MED28: variants seen among roughly 807,000 people sequenced by gnomAD.
The protein encoded by MED28 is mediator of RNA polymerase II transcription subunit 28.
A neutral mutation model predicts 21.3 loss-of-function variants in MED28; 26 were observed. The ratio of observed to expected loss-of-function variants is 1.22; its 90% CI spans 0.89 to 1.69. The LOEUF is 1.69. MED28 is among the 40% of genes most tolerant of loss of function. The pLI is 0.00. For missense variants in MED28, 257 were observed against 215.4 expected (o/e 1.19, Z -1.21); for synonymous variants, 110 against 87.6 (o/e 1.26, Z -1.43).
Position 17,633,627 on chromosome 4 carries a change from T to C in MED28, c.*9829T>C, listed in dbSNP as rs1715031771. The C allele has an allele frequency of 7.4e-7, 1 of 1,356,352 alleles. No homozygotes were observed. Among genetic ancestry groups the C allele is most frequent in the Admixed American group, 3.4e-5 (1 of 29,192 alleles). 84.0% of individuals were successfully genotyped at this position (1,356,352 alleles called of 1,614,324 possible). ...TGGTACCAGGTGCTAGAAAGAATCC[T>C]ACTTCCCCTCTTATCTACAGGGAAA... On this transcript the variant is annotated 3_prime_UTR_variant, in exon 4 of 4. Transcript: ENST00000237380.
Position 17,628,026 on chromosome 4 carries a change from A to AG in MED28, c.*4228_*4229insG, listed in dbSNP as rs1405835984. On this transcript the variant is annotated 3_prime_UTR_variant, in exon 4 of 4. Transcript: ENST00000237380. ...CATAGGTGTTTCTCCTGAGAAAGAA[A>AG]AAAACCACCTGTCCCTGACATTCAG... 3 of 152,232 alleles carry AG rather than the reference A, an allele frequency of 2.0e-5. No individual in the cohort carries two copies. Among genetic ancestry groups the AG allele is most frequent in the Admixed American group, 2.0e-4 (3 of 15,282 alleles). The allele number at this position is 152,232 out of a possible 1,614,324, so 9.4% of individuals were successfully genotyped here.
intron 1 of MED28, among the ~76,000 whole-genome samples, chr4:17,615,063 C>G (rs1367674795): frequency 6.6e-6 from 1 of 152,210 alleles, no homozygotes; most frequent in Non-Finnish European, 1.5e-5. Context: ...AAACTTGGAA[C>G]CCTTCCAGAT....
At position 17,634,022 on chromosome 4, in the gene MED28, A is replaced by G. The variant is rs1052436372; in HGVS notation, c.*10224A>G. 3 of 616,084 alleles carry G rather than the reference A, an allele frequency of 4.9e-6. No homozygotes were observed. The highest frequency in any genetic ancestry group is 7.4e-6 in the Non-Finnish European group (3 of 406,354). 38.2% of individuals were successfully genotyped at this position (616,084 alleles called of 1,614,324 possible). A position where few individuals can be genotyped will look rare whatever the true frequency, so the allele number is the denominator to read the frequency against. ...GCAACAATTTCATTTATACACTTAC[A>G]TGCTATTTTTTAAAGCACTTTTCCC... On this transcript the variant is annotated 3_prime_UTR_variant, in exon 4 of 4. Coordinates refer to ENST00000237380, the MANE Select transcript of MED28 (RefSeq NM_025205.5).
chr4:17,623,432 G>A (rs192698685), intron 3 of MED28, among the ~76,000 whole-genome samples, 169 bp from the exon 4 acceptor site: 1 of 148,726 alleles, frequency 6.7e-6, no homozygotes, highest in African/African-American at 2.5e-5. Context: ...AAAAACTTAT[G>A]TTAGAATCTG....
rs1192899950 is a variant in MED28, at chr4:17,628,304, GTA to G, written c.*4512_*4513del. 4.1e-5 allele frequency: 6 copies of G among 147,110 alleles called. No homozygotes were observed. Among genetic ancestry groups the G allele is most frequent in the East Asian group, 2.0e-4 (1 of 4,960 alleles). The allele number at this position is 147,110 out of a possible 1,614,324, so 9.1% of individuals were successfully genotyped here. ...TGTGTGTGTGTGTATGTGTATATGC[GTA>G]TATATGTGTATGTATGTGTGTATAT... On this transcript the variant is annotated 3_prime_UTR_variant, in exon 4 of 4. Transcript: ENST00000237380.
chr4:17,623,961 T>C lies in MED28; in HGVS notation c.*163T>C. 1 of 732,408 alleles carries C rather than the reference T, an allele frequency of 1.4e-6. No individual in the cohort carries two copies. Among genetic ancestry groups the C allele is most frequent in the Non-Finnish European group, 2.2e-6 (1 of 444,994 alleles). 45.4% of individuals were successfully genotyped at this position (732,408 alleles called of 1,614,324 possible). ...AATTTTCCACTATTTTTATAAGCTG[T>C]TAATTTCTTGAGTACTTTATAACAT... On this transcript the variant is annotated 3_prime_UTR_variant, in exon 4 of 4. Transcript: ENST00000237380.
Position 17,632,512 on chromosome 4 carries a change from G to T in MED28, c.*8714G>T, listed in dbSNP as rs537942025. 2.0e-5 allele frequency: 31 copies of T among 1,520,282 alleles called. No individual in the cohort carries two copies. In the African/African-American group the frequency reaches 4.1e-4, roughly 20 times the overall value. The allele number at this position is 1,520,282 out of a possible 1,614,324, so 94.2% of individuals were successfully genotyped here. A position where few individuals can be genotyped will look rare whatever the true frequency, so the allele number is the denominator to read the frequency against. On this transcript the variant is annotated 3_prime_UTR_variant, in exon 4 of 4. Coordinates refer to ENST00000237380, the MANE Select transcript of MED28 (RefSeq NM_025205.5). ...TAAATGTTTTTCAAGTATCCTCTGT[G>T]ATGTATCCCAAAGGTTAGCTTAGAA...
At chr4:17,615,580 G>T (rs1036389445) in intron 1 of MED28, among the ~76,000 whole-genome samples, 2 of 152,210 alleles carry the variant, frequency 1.3e-5, no homozygotes, top group African/African-American at 4.8e-5. Context: ...GGGAGGCCGA[G>T]GCTGGCGGAT....
Position 17,632,588 on chromosome 4 carries a change from G to T in MED28, c.*8790G>T, listed in dbSNP as rs1714988479. On this transcript the variant is annotated 3_prime_UTR_variant, in exon 4 of 4. Coordinates refer to ENST00000237380, the MANE Select transcript of MED28 (RefSeq NM_025205.5). ...TGGTGCGGAGAGCCCTGTTTCTGCT[G>T]GACTTCTTTGGCTTGGGCCGTTTCA... 1 of 1,551,460 alleles carries T rather than the reference G, an allele frequency of 6.4e-7. No homozygotes were observed. The highest frequency in any genetic ancestry group is 1.2e-5 in the South Asian group (1 of 84,054).
chr4:17,625,321 C>A lies in MED28; in HGVS notation c.*1523C>A. ...ATCTGGCACATGGATCTCTGATTAC[C>A]AGCCTGACATCAACAAATCCCCTCA... On this transcript the variant is annotated 3_prime_UTR_variant, in exon 4 of 4. Transcript: ENST00000237380. The A allele has an allele frequency of 5.7e-6, 1 of 176,026 alleles. No individual in the cohort carries two copies. Among genetic ancestry groups the A allele is most frequent in the Non-Finnish European group, 1.2e-5 (1 of 83,106 alleles). The allele number at this position is 176,026 out of a possible 1,614,324, so 10.9% of individuals were successfully genotyped here. A position where few individuals can be genotyped will look rare whatever the true frequency, so the allele number is the denominator to read the frequency against.
chr4:17,620,692 CTTTTTTTTTTTTT>C (rs146604205), intron 2 of MED28, among the ~76,000 whole-genome samples: 2 of 108,900 alleles, frequency 1.8e-5, no homozygotes, highest in African/African-American at 7.2e-5. Context: ...TGCATTGTCT[CTTTTTTTTTTTTT>C]TTTTTTTTGG....
chr4:17,616,053 C>G (rs925260330), intron 1 of MED28, among the ~76,000 whole-genome samples: 16 of 151,986 alleles, frequency 1.1e-4, no homozygotes, highest in African/African-American at 3.9e-4. Flanking sequence ...CTCCGCCTCC[C>G]GGGTTCAAGC....
Position 17,628,123 on chromosome 4 carries a change from G to T in MED28, c.*4325G>T, listed in dbSNP as rs1714814449. On this transcript the variant is annotated 3_prime_UTR_variant, in exon 4 of 4. Transcript: ENST00000237380. The stretch of plus-strand genomic sequence containing the variant: ...ACAGTCTCTGAATGCCAACCCCAAA[G>T]TTGCTCTCAGGCCATGATAAAATAA... 6.6e-6 allele frequency: 1 copy of T among 152,228 alleles called. No homozygotes were observed. The highest frequency in any genetic ancestry group is 1.5e-5 in the Non-Finnish European group (1 of 68,036). The allele number at this position is 152,228 out of a possible 1,614,324, so 9.4% of individuals were successfully genotyped here.
At chr4:17,618,879 T>C (rs967759498) in intron 1 of MED28, among the ~76,000 whole-genome samples, 2 of 152,232 alleles carry the variant, frequency 1.3e-5, no homozygotes, top group African/African-American at 4.8e-5. Context: ...ATGGGCAATC[T>C]GTTTTTCTGA....
chr4:17,633,991 G>T lies in MED28; in HGVS notation c.*10193G>T. The stretch of plus-strand genomic sequence containing the variant: ...CTCACCCAATCAAAATTGTATCGGA[G>T]AAGAAGCAACAATTTCATTTATACA... On this transcript the variant is annotated 3_prime_UTR_variant, in exon 4 of 4. Transcript: ENST00000237380. 2 of 917,756 alleles carry T rather than the reference G, an allele frequency of 2.2e-6. No homozygotes were observed. The highest frequency in any genetic ancestry group is 2.9e-5 in the South Asian group (1 of 33,958). 56.9% of individuals were successfully genotyped at this position (917,756 alleles called of 1,614,324 possible).
intron 3 of MED28, among the ~76,000 whole-genome samples, chr4:17,623,264 G>T (rs28609167): frequency 0.54 from 80,988 of 151,154 alleles, 23,806 homozygotes; most frequent in East Asian, 0.88. Context: ...AGCTGGGTGT[G>T]GTGGCGTGTG....
intron 1 of MED28, among the ~76,000 whole-genome samples, chr4:17,618,918 A>G (rs1714536689): frequency 6.6e-6 from 1 of 152,210 alleles, no homozygotes; most frequent in Non-Finnish European, 1.5e-5. Context: ...CAAGCGCGGG[A>G]GCTGCAGGCA....
chr4:17,615,952 G>A (rs1026593131), intron 1 of MED28, among the ~76,000 whole-genome samples: 7 of 152,286 alleles, frequency 4.6e-5, no homozygotes, highest in African/African-American at 1.7e-4. Context: ...CCACACGGAT[G>A]TACAAAGATT....
At position 17,625,648 on chromosome 4, in the gene MED28, G is replaced by A. The variant is rs780807893; in HGVS notation, c.*1850G>A. 21 of 447,384 alleles carry A rather than the reference G, an allele frequency of 4.7e-5. No individual in the cohort carries two copies. Among genetic ancestry groups the A allele is most frequent in the Non-Finnish European group, 8.9e-5 (20 of 224,728 alleles). The allele number at this position is 447,384 out of a possible 1,614,324, so 27.7% of individuals were successfully genotyped here. A position where few individuals can be genotyped will look rare whatever the true frequency, so the allele number is the denominator to read the frequency against. ...AAATAACAATTTTTCAATCTTCTCTGTTTGTAGACATCTTACTGGGTGATG... is the reference window on the plus strand; with the variant it reads ...AAATAACAATTTTTCAATCTTCTCTATTTGTAGACATCTTACTGGGTGATG... On this transcript the variant is annotated 3_prime_UTR_variant, in exon 4 of 4. Coordinates refer to ENST00000237380, the MANE Select transcript of MED28 (RefSeq NM_025205.5).
Sources: allele counts gnomAD v4.1 joint callset (sites outside exome capture counted in the v4.1 genomes callset), GRCh38; gene constraint gnomAD v4.1.1; transcripts MANE v1.5; gene names NCBI Gene and HGNC (gene_info 2026-07-23, HGNC 2026-07-21).